The following MBTD1 variants were observed in gnomAD, a reference collection of about 807,000 sequenced individuals.
MBTD1 encodes the protein mbt domain containing 1.
MBTD1 carries 24 observed loss-of-function variants against 87.8 expected under a neutral mutation model. The observed-to-expected ratio is 0.27, with a 90% CI of 0.20 to 0.38. The LOEUF (loss-of-function observed/expected upper bound fraction) is 0.38. MBTD1 is among the 10% of genes least tolerant of loss of function. The pLI is 1.00. For synonymous variants in MBTD1, 237 were observed against 248.6 expected (o/e 0.95, Z 0.44); for missense variants, 436 against 760.2 (o/e 0.57, Z 5.02).
chr17:51,217,518 C>T (rs2052637107), intron 5 of MBTD1, 102 bp from the exon 6 acceptor site: 2 of 569,702 alleles, frequency 3.5e-6, no homozygotes, highest in African/African-American at 3.9e-5. Context: ...ATTAATTTAT[C>T]CCATTTAAAG....
At chr17:51,236,795 G>A (rs528391236) in intron 2 of MBTD1, among the ~76,000 whole-genome samples, 5 of 152,134 alleles carry the variant, frequency 3.3e-5, no homozygotes, top group African/African-American at 4.8e-5. Flanking sequence ...GTCTTTGAAC[G>A]AATGGTGCTG....
chr17:51,249,151 T>C (rs1253770061), intron 2 of MBTD1, among the ~76,000 whole-genome samples: 1 of 150,600 alleles, frequency 6.6e-6, no homozygotes, highest in East Asian at 1.9e-4. Flanking sequence ...TCTCAGCTAC[T>C]TGGGAGGCTG....
chr17:51,200,693 A>C (rs1485566884), intron 12 of MBTD1, among the ~76,000 whole-genome samples: 1 of 151,466 alleles, frequency 6.6e-6, no homozygotes. Flanking sequence ...GTGAAATCCC[A>C]TCTCTACAAA....
chr17:51,205,573 A>C (rs909739478), intron 7 of MBTD1, among the ~76,000 whole-genome samples: 1 of 152,200 alleles, frequency 6.6e-6, no homozygotes, highest in African/African-American at 2.4e-5. Context: ...GTAGTAGTAC[A>C]GTTCAGTACA....
Position 51,223,509 on chromosome 17 carries a change from C to T in MBTD1, c.154+1499G>A, listed in dbSNP as rs185637705. The stretch of plus-strand genomic sequence containing the variant: ...CGAGATCTTGCCGCTGCCATTCCAG[C>T]CTGGGTAATACAGCAAGACTGTCTC... On this transcript the variant is annotated intron_variant, in intron 3 of 16. Coordinates refer to ENST00000586178, the MANE Select transcript of MBTD1 (RefSeq NM_017643.3). Among the ~76,000 whole-genome samples, 537 of 151,842 alleles carry T rather than the reference C, an allele frequency of 3.5e-3. 16 individuals carry two copies. Among genetic ancestry groups the T allele is most frequent in the Admixed American group, 0.034 (511 of 15,224 alleles).
At position 51,179,463 on chromosome 17, in the gene MBTD1, T is replaced by C. The variant is rs2050195696; in HGVS notation, c.*1113A>G. 9.0e-6 allele frequency: 1 copy of C among 111,420 alleles called. No individual in the cohort carries two copies. Among genetic ancestry groups the C allele is most frequent in the South Asian group, 3.1e-4 (1 of 3,212 alleles). 6.9% of individuals were successfully genotyped at this position (111,420 alleles called of 1,614,324 possible). A position where few individuals can be genotyped will look rare whatever the true frequency, so the allele number is the denominator to read the frequency against. On this transcript the variant is annotated 3_prime_UTR_variant, in exon 17 of 17. Transcript: ENST00000586178. ...AATCGGTTATTATTAAAATAAATCC[T>C]GAATACAATTAAAGACAATTTTATA...
At chr17:51,203,112 T>C (rs1338596913) in intron 9 of MBTD1, 28 bp downstream of exon 9, 4 of 1,543,366 alleles carry the variant, frequency 2.6e-6, no homozygotes, top group Non-Finnish European at 2.7e-6. Context: ...TTAGAGCTCT[T>C]CAGTCTTTAT....
At position 51,202,884 on chromosome 17, in the gene MBTD1, C is replaced by T. The variant is rs752423284; in HGVS notation, c.880G>A (p.Val294Ile). ...PFKPCMRVEV[V>I]DKRHLCRTRV... ...GTTCGACACAAATGCCTCTTGTCAA[C>T]CACTTCTACTCTCATGCAAGGTTTG... is the stretch of plus-strand genomic sequence containing the variant. The change falls in exon 10 of 17, where the codon GTT (valine) becomes ATT (isoleucine). Residue 294 changes from valine to isoleucine, a missense_variant. Physicochemically the swap from Val to Ile is conservative, Grantham distance 29 (BLOSUM62 3). Around this residue, in one of 5 missense-constraint regions of MBTD1, gnomAD observed 268 missense variants for 401.8 expected, o/e 0.67. Transcript: ENST00000586178. The T allele has an allele frequency of 5.0e-6, 8 of 1,614,158 alleles. No homozygotes were observed. The East Asian group carries it at 6.7e-5, about 13-fold the overall frequency.
chr17:51,212,078 G>A (rs2052260971), intron 6 of MBTD1, among the ~76,000 whole-genome samples: 2 of 152,108 alleles, frequency 1.3e-5, no homozygotes, highest in Non-Finnish European at 2.9e-5. Context: ...AAAAGTATGC[G>A]GCCAGGCGCG....
At chr17:51,195,903 C>G (rs2051071935) in intron 12 of MBTD1, among the ~76,000 whole-genome samples, 1 of 152,110 alleles carries the variant, frequency 6.6e-6, no homozygotes, top group Non-Finnish European at 1.5e-5. Context: ...ACTGTTGTAA[C>G]AAGTACCCAA....
intron 16 of MBTD1, among the ~76,000 whole-genome samples, chr17:51,187,886 A>C (rs1250183761): frequency 6.6e-6 from 1 of 151,896 alleles, no homozygotes. Context: ...AAAAAAGCAA[A>C]GGGATCTTTA....
At position 51,218,971 on chromosome 17, in the gene MBTD1, T is replaced by C; in HGVS notation, c.362A>G (p.Gln121Arg). The change falls in exon 5 of 17, where the codon CAG becomes CGG. Residue 121 changes from glutamine (Q) to arginine (R), a missense_variant. By Grantham distance (43) the Gln-to-Arg change is conservative. Coordinates refer to ENST00000586178, the MANE Select transcript of MBTD1 (RefSeq NM_017643.3). ...PLVAKLAAYA[Q>R]YQATLQNQAK... ...TTGATTTTGCAAGGTAGCTTGATAC[T>C]GAGCATATGCGGCTAGCTTAGCAAC... 6.4e-7 allele frequency: 1 copy of C among 1,551,338 alleles called. No individual in the cohort carries two copies. Among genetic ancestry groups the C allele is most frequent in the Middle Eastern group, 1.7e-4 (1 of 5,986 alleles).
chr17:51,212,307 G>A (rs886832022), intron 6 of MBTD1, among the ~76,000 whole-genome samples: 1 of 149,784 alleles, frequency 6.7e-6, no homozygotes, highest in East Asian at 1.9e-4. Context: ...GCAGTGAGTC[G>A]AGATCACACC....
At chr17:51,227,596 T>C (rs1041117156) in intron 2 of MBTD1, among the ~76,000 whole-genome samples, 15 of 151,950 alleles carry the variant, frequency 9.9e-5, no homozygotes, top group African/African-American at 3.4e-4. Flanking sequence ...CTTGATACTT[T>C]ATCATGTTGG....
intron 12 of MBTD1, among the ~76,000 whole-genome samples, chr17:51,196,032 T>G (rs2051081685): frequency 1.3e-5 from 2 of 152,050 alleles, no homozygotes; most frequent in African/African-American, 4.8e-5. Flanking sequence ...CTCTGCCTCC[T>G]GAGTAGCTAG....
intron 16 of MBTD1, among the ~76,000 whole-genome samples, chr17:51,181,923 C>T (rs2050330906): frequency 6.6e-6 from 1 of 152,192 alleles, no homozygotes; most frequent in Non-Finnish European, 1.5e-5. Flanking sequence ...CAGCGCCTGG[C>T]TGTGTTCAGG....
intron 12 of MBTD1, among the ~76,000 whole-genome samples, chr17:51,198,258 T>G (rs2051252662): frequency 1.3e-5 from 2 of 152,240 alleles, no homozygotes; most frequent in African/African-American, 4.8e-5. Flanking sequence ...GCTGCCCCTC[T>G]TAGACAGTAA....
At position 51,213,940 on chromosome 17, in the gene MBTD1, A is replaced by T. The variant is rs544838345; in HGVS notation, c.486+3394T>A. ...AAAGAAAAGAAAAAAAAAAAGGGCA[A>T]TTATGATGCTTAAATAAAAGGTCTG... On this transcript the variant is annotated intron_variant, in intron 6 of 16. Coordinates refer to ENST00000586178, the MANE Select transcript of MBTD1 (RefSeq NM_017643.3). 2.0e-5 allele frequency among the ~76,000 whole-genome samples: 3 copies of T among 152,258 alleles called. No homozygotes were observed. The South Asian group carries it at 6.2e-4, about 32-fold the overall frequency.
intron 2 of MBTD1, 42 bp from the exon 3 acceptor site, chr17:51,225,251 A>C: frequency 3.3e-5 from 37 of 1,121,930 alleles, no homozygotes; most frequent in South Asian, 8.6e-5. Context: ...CACAACACTC[A>C]TACACACCCC....
Sources: allele counts gnomAD v4.1 joint callset (sites outside exome capture counted in the v4.1 genomes callset), GRCh38; gene constraint gnomAD v4.1.1; regional missense constraint gnomAD v4.1.1; transcripts MANE v1.5; gene names NCBI Gene and HGNC (gene_info 2026-07-23, HGNC 2026-07-21).